Variants in RBMS3 observed in about 807,000 individuals in gnomAD.
RBMS3 encodes RNA-binding motif, single-stranded-interacting protein 3.
In RBMS3, 27 loss-of-function variants were observed where a neutral mutation model predicts 66.8. The observed-to-expected ratio is 0.40, with a 90% CI of 0.30 to 0.56. The LOEUF is 0.56. RBMS3 is among the 20% of genes least tolerant of loss of function. The pLI, the probability that RBMS3 is intolerant of heterozygous loss-of-function variation, is 0.40. For synonymous variants in RBMS3, 188 were observed against 183.0 expected (o/e 1.03, Z -0.22); for missense variants, 513 against 549.5 (o/e 0.93, Z 0.66).
chr3:29,665,778 T>A (rs904242635), intron 4 of RBMS3, among the ~76,000 whole-genome samples: 1 of 152,180 alleles, frequency 6.6e-6, no homozygotes, highest in Non-Finnish European at 1.5e-5. Context: ...TAATTAATTA[T>A]CACTTGCATC....
At chr3:29,921,959 A>G (rs1178416520) in intron 10 of RBMS3, among the ~76,000 whole-genome samples, 1 of 152,158 alleles carries the variant, frequency 6.6e-6, no homozygotes, top group East Asian at 1.9e-4. Flanking sequence ...TTACAGTGGG[A>G]GATGCAAGTC....
At chr3:29,401,544 T>G (rs1389646581) in intron 1 of RBMS3, among the ~76,000 whole-genome samples, 2 of 152,046 alleles carry the variant, frequency 1.3e-5, no homozygotes, top group Admixed American at 1.3e-4. Context: ...TGACTACTGC[T>G]TTCTTAAACT....
At chr3:29,819,881 A>G (rs7644003) in intron 6 of RBMS3, among the ~76,000 whole-genome samples, 62,311 of 151,936 alleles carry the variant, frequency 0.41, 13,295 homozygotes, top group Non-Finnish European at 0.47. Context: ...CACTGTTTTT[A>G]TAATCTACTC....
rs924115472 is a variant in RBMS3 at position 29,944,258 on chromosome 3, G to C, written c.1098+4G>C. The C allele has an allele frequency of 2.5e-6, 4 of 1,582,416 alleles. No individual in the cohort carries two copies. In the Admixed American group the frequency reaches 5.0e-5, roughly 20 times the overall value. ...ACTCCACCAGCTGTTGTGTCAGGTA[G>C]GAAAATTCTAATTCTTTTAAGACTG... is the stretch of plus-strand genomic sequence containing the variant. On this transcript the variant is annotated splice_donor_region_variant and intron_variant, in intron 12 of 14. Coordinates refer to ENST00000383767, the MANE Select transcript of RBMS3 (RefSeq NM_001003793.3).
chr3:29,335,331 G>T (rs2035883644), intron 1 of RBMS3, among the ~76,000 whole-genome samples: 1 of 152,048 alleles, frequency 6.6e-6, no homozygotes, highest in Non-Finnish European at 1.5e-5. Context: ...GAATTGCCTG[G>T]TATGTGCCCA....
intron 3 of RBMS3, among the ~76,000 whole-genome samples, chr3:29,505,264 C>T (rs2044138803): frequency 6.6e-6 from 1 of 151,782 alleles, no homozygotes; most frequent in Non-Finnish European, 1.5e-5. Flanking sequence ...TAATTTCATT[C>T]TTCTGCTTGT....
chr3:29,734,826 AT>A (rs930304838), intron 4 of RBMS3, among the ~76,000 whole-genome samples: 1 of 152,124 alleles, frequency 6.6e-6, no homozygotes, highest in Admixed American at 6.5e-5. Context: ...TTGGACTTGC[AT>A]TTTGCATATC....
chr3:29,992,602 A>G (rs909025087), intron 14 of RBMS3, among the ~76,000 whole-genome samples: 3 of 151,262 alleles, frequency 2.0e-5, no homozygotes, highest in African/African-American at 7.3e-5. Context: ...ACTCCGTCTC[A>G]AAAAAAAAGA....
chr3:29,892,811 G>A (rs938208076), intron 8 of RBMS3, among the ~76,000 whole-genome samples: 1 of 119,180 alleles, frequency 8.4e-6, no homozygotes. Flanking sequence ...AAGTATGTAT[G>A]TATGTATGTA....
intron 3 of RBMS3, among the ~76,000 whole-genome samples, chr3:29,582,078 G>A (rs566802403): frequency 3.9e-5 from 6 of 152,122 alleles, no homozygotes; most frequent in Non-Finnish European, 8.8e-5. Context: ...CAGGGAAGAT[G>A]TTGCCAGCAA....
chr3:29,697,628 T>C lies in RBMS3; in HGVS notation c.400-42092T>C, dbSNP rs77940558. 8.3e-3 allele frequency among the ~76,000 whole-genome samples: 1,271 copies of C among 152,350 alleles called. 20 individuals carry two copies. Among genetic ancestry groups the C allele is most frequent in the African/African-American group, 0.028 (1,184 of 41,584 alleles). On this transcript the variant is annotated intron_variant, in intron 4 of 14. Transcript: ENST00000383767. The stretch of plus-strand genomic sequence containing the variant: ...TGAATTTCTTTGGATTTTTGAATAT[T>C]TGCATATATGCAATGAGATATTCTG...
chr3:29,768,082 T>C (rs527955877), intron 6 of RBMS3, among the ~76,000 whole-genome samples: 1 of 152,124 alleles, frequency 6.6e-6, no homozygotes, highest in East Asian at 1.9e-4. Context: ...AACAATGTAA[T>C]CCCCAATTGG....
rs796875547 is a variant in RBMS3 at position 29,536,595 on chromosome 3, C to T, written c.307+48096C>T. ...GCAAGGGGTTAGGCAAACTTGGAGACGTGTCAGAAGAAGAGCTTACCAACC... is the reference window on the plus strand; with the variant it reads ...GCAAGGGGTTAGGCAAACTTGGAGATGTGTCAGAAGAAGAGCTTACCAACC... On this transcript the variant is annotated intron_variant, in intron 3 of 14. Transcript: ENST00000383767. 4.6e-5 allele frequency among the ~76,000 whole-genome samples: 7 copies of T among 152,246 alleles called. 1 individual carries two copies. Among genetic ancestry groups the T allele is most frequent in the African/African-American group, 1.7e-4 (7 of 41,534 alleles).
At chr3:29,502,163 C>A (rs2044000291) in intron 3 of RBMS3, among the ~76,000 whole-genome samples, 2 of 152,072 alleles carry the variant, frequency 1.3e-5, no homozygotes, top group Non-Finnish European at 2.9e-5. Context: ...CATTTGTATA[C>A]CTGCTTGGCC....
intron 4 of RBMS3, among the ~76,000 whole-genome samples, chr3:29,667,388 A>G (rs557915999): frequency 1.3e-5 from 2 of 152,304 alleles, no homozygotes; most frequent in South Asian, 4.1e-4. Context: ...TACCCCTGAG[A>G]ACTTGTTTGA....
At chr3:29,693,243 G>T (rs12152303) in intron 4 of RBMS3, among the ~76,000 whole-genome samples, 4,110 of 152,194 alleles carry the variant, frequency 0.027, 78 homozygotes, top group Admixed American at 0.063. Flanking sequence ...ATGCATAATT[G>T]TGATGTGTGA....
chr3:29,409,559 G>T (rs554493611), intron 1 of RBMS3, among the ~76,000 whole-genome samples: 3 of 152,292 alleles, frequency 2.0e-5, no homozygotes, highest in Admixed American at 2.0e-4. Flanking sequence ...GTTCCAAAAG[G>T]CTGAGTAGTT....
intron 1 of RBMS3, among the ~76,000 whole-genome samples, chr3:29,379,389 A>G (rs547994904): frequency 1.3e-5 from 2 of 152,314 alleles, no homozygotes; most frequent in South Asian, 4.1e-4. Flanking sequence ...TAATAGAGAA[A>G]TTTGCCTCTG....
intron 1 of RBMS3, among the ~76,000 whole-genome samples, chr3:29,327,714 T>C (rs2035420525): frequency 6.6e-6 from 1 of 152,170 alleles, no homozygotes; most frequent in African/African-American, 2.4e-5. Context: ...GAGTGGCACA[T>C]AGAGTTGCAG....
Sources: allele counts gnomAD v4.1 joint callset (sites outside exome capture counted in the v4.1 genomes callset), GRCh38; gene constraint gnomAD v4.1.1; transcripts MANE v1.5; gene names NCBI Gene and HGNC (gene_info 2026-07-23, HGNC 2026-07-21).